COL11A1: variants seen among roughly 807,000 people sequenced by gnomAD.
The protein encoded by COL11A1 is collagen alpha-1(XI) chain.
Under a neutral mutation model 265.2 loss-of-function variants are expected in COL11A1, and 74 were observed. The ratio of observed to expected loss-of-function variants is 0.28; its 90% CI spans 0.23 to 0.34. COL11A1 has a LOEUF of 0.34. Among genes scored for constraint, COL11A1 ranks in the 10% least tolerant of loss-of-function variants. COL11A1 has a pLI of 1.00. For missense variants in COL11A1, 2,165 were observed against 2,263.6 expected, an observed-to-expected ratio of 0.96 and a Z score of 0.88; for synonymous variants, 816 against 727.6, an observed-to-expected ratio of 1.12 and a Z score of -1.96.
At chr1:102,939,153 T>A in intron 43 of COL11A1, 65 bp from the exon 44 acceptor site, 1 of 1,368,570 alleles carries the variant, frequency 7.3e-7, no homozygotes, top group Non-Finnish European at 1.0e-6. Context: ...TTAATTATCA[T>A]CAAACAGTTA....
At chr1:103,064,534 A>C (rs1277412877) in intron 4 of COL11A1, among the ~76,000 whole-genome samples, 2 of 151,358 alleles carry the variant, frequency 1.3e-5, no homozygotes, top group Non-Finnish European at 2.9e-5. Flanking sequence ...CTAAAAACAC[A>C]AAAAAAATTA....
intron 54 of COL11A1, among the ~76,000 whole-genome samples, chr1:102,901,163 A>G (rs1175586898): frequency 6.6e-6 from 1 of 152,024 alleles, no homozygotes; most frequent in Non-Finnish European, 1.5e-5. Flanking sequence ...TACTAAAAAT[A>G]CAAAAAATTA....
intron 5 of COL11A1, among the ~76,000 whole-genome samples, chr1:103,028,885 T>C (rs12748084): frequency 0.079 from 12,040 of 152,186 alleles, 532 homozygotes; most frequent in Middle Eastern, 0.13. Context: ...AGATTTAACA[T>C]CTAATTTTTT....
chr1:102,991,345 T>G (rs1664107378), intron 28 of COL11A1, among the ~76,000 whole-genome samples: 1 of 152,134 alleles, frequency 6.6e-6, no homozygotes, highest in East Asian at 1.9e-4. Context: ...CAAAATGATC[T>G]CTTTAAAATA....
At chr1:103,080,501 T>C (rs568869380) in intron 2 of COL11A1, among the ~76,000 whole-genome samples, 1 of 151,952 alleles carries the variant, frequency 6.6e-6, no homozygotes, top group Non-Finnish European at 1.5e-5. Context: ...CAATTAAAAA[T>C]GGACAAGATG....
chr1:103,014,643 G>A (rs1232575037), intron 12 of COL11A1, 49 bp from the exon 13 acceptor site: 1 of 1,460,838 alleles, frequency 6.8e-7, no homozygotes, highest in Non-Finnish European at 9.6e-7. Context: ...TGTCAAACAT[G>A]TTGAATTACG....
intron 46 of COL11A1, among the ~76,000 whole-genome samples, chr1:102,928,018 C>T (rs919546867): frequency 1.3e-5 from 2 of 152,142 alleles, no homozygotes; most frequent in African/African-American, 2.4e-5. Context: ...CTGCCTGGGA[C>T]TTCGTGTTCC....
At chr1:102,989,489 G>C (rs1315615555) in intron 29 of COL11A1, 29 bp downstream of exon 29, 1 of 1,471,528 alleles carries the variant, frequency 6.8e-7, no homozygotes, top group Non-Finnish European at 9.4e-7. Context: ...TAAATTTTGT[G>C]TACTGGTGTA....
In COL11A1 at chr1:102,887,039, G is replaced by T; in HGVS notation, c.4626C>A (p.Val1542=). Residue 1542 remains valine, a synonymous_variant, in exon 63 of 67, where the codon GTC becomes GTA. Transcript: ENST00000370096. ...AGGACAAGATTGGTAAAGGCTGAAT[G>T]ACTTCACCAGGTGGACCCTGTAAAG... ...PPGSPGPPGE[V]IQPLPILSSK... 6.2e-7 allele frequency: 1 copy of T among 1,613,782 alleles called. No individual in the cohort carries two copies. Among genetic ancestry groups the T allele is most frequent in the Non-Finnish European group, 8.5e-7 (1 of 1,179,800 alleles).
At chr1:102,886,304 T>A (rs1245858169) in intron 63 of COL11A1, among the ~76,000 whole-genome samples, 2 of 152,150 alleles carry the variant, frequency 1.3e-5, no homozygotes, top group African/African-American at 4.8e-5. Context: ...GTGGCTCAAT[T>A]AAAGATACAT....
At chr1:102,929,426 G>A (rs906291405) in intron 46 of COL11A1, among the ~76,000 whole-genome samples, 8 of 151,730 alleles carry the variant, frequency 5.3e-5, no homozygotes, top group African/African-American at 1.9e-4. Context: ...ATTTCTGAGG[G>A]CTCTGTTCTG....
chr1:103,001,891 C>A (rs752236833), intron 24 of COL11A1, 34 bp downstream of exon 24: 9 of 1,606,190 alleles, frequency 5.6e-6, no homozygotes, highest in Non-Finnish European at 7.7e-6. Context: ...CAAACATGTT[C>A]ACCAGGCTTT....
In COL11A1 at chr1:102,934,662, G is replaced by A; in HGVS notation, c.3493-106C>T. ...ATTTAATCAAAGCAGATGTATTTAA[G>A]AATAACCAAGTAAAAAGTAGACTGA... On this transcript the variant is annotated intron_variant, in intron 45 of 66. Coordinates refer to ENST00000370096, the MANE Select transcript of COL11A1 (RefSeq NM_001854.4). 3 of 874,194 alleles carry A rather than the reference G, an allele frequency of 3.4e-6. No individual in the cohort carries two copies. The South Asian group carries it at 4.3e-5, about 12-fold the overall frequency. The allele number at this position is 874,194 out of a possible 1,614,324, so 54.2% of individuals were successfully genotyped here.
intron 14 of COL11A1, 32 bp from the exon 15 acceptor site, chr1:103,008,548 A>G (rs1235195176): frequency 3.8e-6 from 6 of 1,579,784 alleles, no homozygotes; most frequent in Non-Finnish European, 5.2e-6. Flanking sequence ...ATTTCACTTA[A>G]TTTAGCAATT....
rs186007149 is a variant in COL11A1 at position 102,990,044 on chromosome 1, G to A, written c.2341-473C>T. Among the ~76,000 whole-genome samples the A allele has an allele frequency of 9.2e-5, 14 of 152,134 alleles. No homozygotes were observed. In the East Asian group the frequency reaches 2.7e-3, roughly 29 times the overall value. ...TACAAAAAATACAAAAATTAGCCAG[G>A]TGTGTGGGTGCATGACTGTAATCTC... is the stretch of plus-strand genomic sequence containing the variant. On this transcript the variant is annotated intron_variant, in intron 28 of 66. Transcript: ENST00000370096.
At chr1:103,080,580 C>A (rs894992342) in intron 2 of COL11A1, among the ~76,000 whole-genome samples, 2 of 151,704 alleles carry the variant, frequency 1.3e-5, no homozygotes, top group Non-Finnish European at 2.9e-5. Context: ...TGCTCAACAT[C>A]GTTAATCATT....
intron 46 of COL11A1, among the ~76,000 whole-genome samples, chr1:102,926,639 C>A (rs1313367431): frequency 6.6e-6 from 1 of 152,022 alleles, no homozygotes; most frequent in Admixed American, 6.5e-5. Context: ...TCTTGAGTCA[C>A]CCTCATCAAA....
chr1:102,965,258 T>C (rs1305232387), intron 38 of COL11A1, among the ~76,000 whole-genome samples: 1 of 152,250 alleles, frequency 6.6e-6, no homozygotes. Flanking sequence ...CTTTCATTTA[T>C]TTTATTCTTC....
Position 103,002,423 on chromosome 1 carries a change from CT to C in COL11A1, c.2097+4del. On this transcript the variant is annotated splice_donor_region_variant and intron_variant, in intron 23 of 66. Transcript: ENST00000370096. ...TTCAAAGGAGCTGCAGTGGCTTAGACTTACCTGAGGTCCTGGATTCCCTTGT... is the reference window on the plus strand; with the variant it reads ...TTCAAAGGAGCTGCAGTGGCTTAGACTACCTGAGGTCCTGGATTCCCTTGT... 6.2e-7 allele frequency: 1 copy of C among 1,606,702 alleles called. No homozygotes were observed. Among genetic ancestry groups the C allele is most frequent in the South Asian group, 1.1e-5 (1 of 89,380 alleles).
Sources: allele counts gnomAD v4.1 joint callset (sites outside exome capture counted in the v4.1 genomes callset), GRCh38; gene constraint gnomAD v4.1.1; transcripts MANE v1.5; gene names NCBI Gene and HGNC (gene_info 2026-07-23, HGNC 2026-07-21).